Variants in AUTS2 observed in about 807,000 individuals in gnomAD.
AUTS2 encodes the protein autism susceptibility gene 2 protein.
In AUTS2, 17 loss-of-function variants were observed where a neutral mutation model predicts 112.4. The observed-to-expected ratio is 0.15, with a 90% CI of 0.10 to 0.23. AUTS2 has a LOEUF of 0.23. Among genes scored for constraint, AUTS2 ranks in the 10% least tolerant of loss-of-function variants. The pLI, the probability that AUTS2 is intolerant of heterozygous loss-of-function variation, is 1.00. For synonymous variants in AUTS2, 751 were observed against 702.7 expected (o/e 1.07, Z -1.09); for missense variants, 1,510 against 1,701.6 (o/e 0.89, Z 1.98).
intron 2 of AUTS2, among the ~76,000 whole-genome samples, chr7:70,001,051 C>T (rs1485626262): frequency 6.6e-6 from 1 of 151,938 alleles, no homozygotes; most frequent in African/African-American, 2.4e-5. Flanking sequence ...CTATTGGTGG[C>T]TGGAAAAATA....
intron 2 of AUTS2, among the ~76,000 whole-genome samples, chr7:70,057,528 G>A (rs150449307): frequency 6.6e-6 from 1 of 152,236 alleles, no homozygotes; most frequent in East Asian, 1.9e-4. Flanking sequence ...CACTGTTACA[G>A]GTATTCTATC....
At chr7:69,700,940 T>C (rs1350251110) in intron 1 of AUTS2, among the ~76,000 whole-genome samples, 1 of 152,202 alleles carries the variant, frequency 6.6e-6, no homozygotes, top group Non-Finnish European at 1.5e-5. Context: ...GCAGAAATGC[T>C]TTCCCAGATA....
At chr7:69,686,330 A>T (rs1797063518) in intron 1 of AUTS2, among the ~76,000 whole-genome samples, 1 of 152,188 alleles carries the variant, frequency 6.6e-6, no homozygotes, top group Non-Finnish European at 1.5e-5. Flanking sequence ...TGGAGGGTTC[A>T]TAATAGAAAG....
chr7:70,301,830 C>G (rs1451409574), intron 4 of AUTS2, among the ~76,000 whole-genome samples: 5 of 152,164 alleles, frequency 3.3e-5, no homozygotes, highest in Admixed American at 1.3e-4. Flanking sequence ...GTGATCTTGG[C>G]TCACTGCAAC....
At chr7:70,166,292 A>G (rs1808377541) in intron 4 of AUTS2, among the ~76,000 whole-genome samples, 1 of 152,192 alleles carries the variant, frequency 6.6e-6, no homozygotes, top group Non-Finnish European at 1.5e-5. Flanking sequence ...AAATTTTTTT[A>G]AATATAGAAT....
intron 4 of AUTS2, among the ~76,000 whole-genome samples, chr7:70,431,323 T>C (rs948669570): frequency 1.3e-5 from 2 of 152,380 alleles, no homozygotes; most frequent in Middle Eastern, 3.4e-3. Flanking sequence ...CAAAAATGTA[T>C]TAACAGTGTT....
chr7:70,143,586 T>C lies in AUTS2; in HGVS notation c.660+9015T>C, dbSNP rs563005989. ...AGCCATGTCAAAGGGACCTTCCTTA[T>C]ACTGTATTTAATCTCTGCTCTGAAA... On this transcript the variant is annotated intron_variant, in intron 4 of 18. Transcript: ENST00000342771. 9.1e-4 allele frequency among the ~76,000 whole-genome samples: 139 copies of C among 152,354 alleles called. 1 individual carries two copies. The highest frequency in any genetic ancestry group is 2.5e-4 in the Non-Finnish European group (17 of 68,030).
intron 2 of AUTS2, among the ~76,000 whole-genome samples, chr7:69,974,720 T>G (rs2129548414): frequency 6.6e-6 from 1 of 152,320 alleles, no homozygotes; most frequent in East Asian, 1.9e-4. Flanking sequence ...TCTTCTTTAA[T>G]AAGTCTACCA....
intron 1 of AUTS2, among the ~76,000 whole-genome samples, chr7:69,672,692 G>T (rs998984778): frequency 6.6e-6 from 1 of 152,230 alleles, no homozygotes; most frequent in Non-Finnish European, 1.5e-5. Flanking sequence ...TCCCTGAAAG[G>T]TTTCCAGTGA....
chr7:70,105,547 T>C (rs936816613), intron 2 of AUTS2, among the ~76,000 whole-genome samples: 3 of 152,166 alleles, frequency 2.0e-5, no homozygotes, highest in African/African-American at 7.2e-5. Flanking sequence ...CATAAGCACA[T>C]ACCCGGACCC....
At chr7:70,028,487 A>G (rs1386469169) in intron 2 of AUTS2, among the ~76,000 whole-genome samples, 1 of 152,160 alleles carries the variant, frequency 6.6e-6, no homozygotes, top group Non-Finnish European at 1.5e-5. Flanking sequence ...CAGCTCCAGC[A>G]TAGCGTTTCT....
chr7:70,266,064 T>G (rs1030074855), intron 4 of AUTS2, among the ~76,000 whole-genome samples: 3 of 152,156 alleles, frequency 2.0e-5, no homozygotes, highest in Non-Finnish European at 2.9e-5. Flanking sequence ...CAAAAGAAAA[T>G]ACATGTTTCT....
At chr7:70,099,425 A>G (rs1430750545) in intron 2 of AUTS2, among the ~76,000 whole-genome samples, 1 of 151,846 alleles carries the variant, frequency 6.6e-6, no homozygotes, top group Non-Finnish European at 1.5e-5. Flanking sequence ...TTCTTCTGTA[A>G]TAATAGGTTT....
intron 4 of AUTS2, among the ~76,000 whole-genome samples, chr7:70,370,430 AT>A (rs1249133358): frequency 6.6e-6 from 1 of 152,170 alleles, no homozygotes; most frequent in African/African-American, 2.4e-5. Flanking sequence ...GAATCATACA[AT>A]ATATGGTCCT....
intron 2 of AUTS2, among the ~76,000 whole-genome samples, chr7:70,110,971 A>G (rs573426872): frequency 1.4e-5 from 2 of 145,424 alleles, no homozygotes; most frequent in Non-Finnish European, 1.5e-5. Flanking sequence ...TCCCGGGTTC[A>G]GGCCATTCTC....
chr7:70,503,479 T>A (rs940132884), intron 5 of AUTS2, among the ~76,000 whole-genome samples: 22 of 150,840 alleles, frequency 1.5e-4, no homozygotes, highest in Non-Finnish European at 3.0e-4. Flanking sequence ...GGTGGGAGGA[T>A]CACAACATCC....
intron 4 of AUTS2, among the ~76,000 whole-genome samples, chr7:70,153,562 T>C (rs143752515): frequency 2.6e-4 from 39 of 152,342 alleles, no homozygotes; most frequent in African/African-American, 7.5e-4. Flanking sequence ...CCTTTAAATA[T>C]GTGCAGTTTA....
At position 70,790,029 on chromosome 7, in the gene AUTS2, G is replaced by A. The variant is rs761448632; in HGVS notation, c.2813G>A (p.Arg938Gln). The A allele has an allele frequency of 3.8e-6, 6 of 1,586,842 alleles. No individual in the cohort carries two copies. The highest frequency in any genetic ancestry group is 1.3e-5 in the African/African-American group (1 of 74,368). ...GGCGAAGAGGCCAAGCAGCTGGCCC[G>A]GGTGCCGTCTCCCTACGTGCGGACC... ...AAGEEAKQLA[R>Q]VPSPYVRTPV... The change falls in exon 19 of 19, where the codon CGG becomes CAG. Residue 938 changes from arginine to glutamine, a missense_variant. Arg to Gln is a conservative substitution (Grantham distance 43). Coordinates refer to ENST00000342771, the MANE Select transcript of AUTS2 (RefSeq NM_015570.4). This position sits in a 1 kb window ranked among gnomAD's most constrained non-coding sequence, Gnocchi z 7.6.
At chr7:69,647,050 T>C (rs1316189972) in intron 1 of AUTS2, among the ~76,000 whole-genome samples, 1 of 152,154 alleles carries the variant, frequency 6.6e-6, no homozygotes, top group Non-Finnish European at 1.5e-5. Flanking sequence ...ATGGCGCCAC[T>C]GCACTCCAGC....
Sources: allele counts gnomAD v4.1 joint callset (sites outside exome capture counted in the v4.1 genomes callset), GRCh38; gene constraint gnomAD v4.1.1; non-coding constraint Gnocchi (gnomAD v3.1); transcripts MANE v1.5; gene names NCBI Gene and HGNC (gene_info 2026-07-23, HGNC 2026-07-21).